Variants in DOCK3 observed in about 807,000 individuals in gnomAD.
The protein encoded by DOCK3 is dedicator of cytokinesis 3.
A neutral mutation model predicts 265.6 loss-of-function variants in DOCK3; 60 were observed. That is an observed-to-expected ratio of 0.23 (90% CI 0.18 to 0.28). The LOEUF (loss-of-function observed/expected upper bound fraction) is 0.28. DOCK3 is among the 10% of genes least tolerant of loss of function. The pLI, the probability that DOCK3 is intolerant of heterozygous loss-of-function variation, is 1.00. For missense variants in DOCK3, 1,981 were observed against 2,594.3 expected (o/e 0.76, Z 5.14); for synonymous variants, 881 against 938.0 (o/e 0.94, Z 1.11).
At chr3:50,930,737 C>T (rs538374691) in intron 4 of DOCK3, among the ~76,000 whole-genome samples, 470 of 152,346 alleles carry the variant, frequency 3.1e-3, no homozygotes, top group Non-Finnish European at 5.2e-3. Flanking sequence ...ACTGTGCAGA[C>T]CCTTATGGGG....
intron 1 of DOCK3, among the ~76,000 whole-genome samples, chr3:50,709,078 A>T (rs1410180588): frequency 6.6e-6 from 1 of 152,210 alleles, no homozygotes; most frequent in East Asian, 1.9e-4. Flanking sequence ...GATGCAGTGG[A>T]CAAAAGTGCT....
intron 1 of DOCK3, among the ~76,000 whole-genome samples, chr3:50,747,590 G>A (rs968471216): frequency 2.6e-5 from 4 of 152,146 alleles, no homozygotes; most frequent in Middle Eastern, 6.8e-3. Flanking sequence ...CTGGCTGGGC[G>A]TGGTGGCTCA....
chr3:51,333,350 C>A, intron 35 of DOCK3, 97 bp downstream of exon 35: 2 of 1,198,270 alleles, frequency 1.7e-6, no homozygotes, highest in South Asian at 1.2e-5. Flanking sequence ...ATGTGCTCTT[C>A]ATGGGGAGGA....
intron 9 of DOCK3, among the ~76,000 whole-genome samples, chr3:51,141,334 T>G (rs1160420002): frequency 6.7e-6 from 1 of 149,802 alleles, no homozygotes; most frequent in Non-Finnish European, 1.5e-5. Flanking sequence ...AGGGGTATAA[T>G]TTATTGAAGC....
At chr3:50,945,185 G>A (rs1470567167) in intron 5 of DOCK3, among the ~76,000 whole-genome samples, 1 of 152,090 alleles carries the variant, frequency 6.6e-6, no homozygotes, top group African/African-American at 2.4e-5. Context: ...CAACTGAAGC[G>A]TTTTATAATT....
At chr3:50,950,010 C>G (rs1559853300) in intron 5 of DOCK3, among the ~76,000 whole-genome samples, 1 of 141,252 alleles carries the variant, frequency 7.1e-6, no homozygotes, top group African/African-American at 2.6e-5. Flanking sequence ...ATTTTTAAAT[C>G]TTTTTTTTTT....
chr3:50,945,055 G>T (rs187945350), intron 5 of DOCK3, among the ~76,000 whole-genome samples: 7 of 152,260 alleles, frequency 4.6e-5, no homozygotes, highest in Admixed American at 1.3e-4. Flanking sequence ...TTCTGTGAGA[G>T]AATTTAACAT....
intron 32 of DOCK3, among the ~76,000 whole-genome samples, chr3:51,320,989 T>C (rs1402995662): frequency 6.6e-6 from 1 of 152,200 alleles, no homozygotes; most frequent in East Asian, 1.9e-4. Flanking sequence ...AGGGTCAGAC[T>C]GCCTCCTCAA....
At chr3:50,978,435 G>C (rs1004718144) in intron 5 of DOCK3, among the ~76,000 whole-genome samples, 1 of 152,154 alleles carries the variant, frequency 6.6e-6, no homozygotes, top group Non-Finnish European at 1.5e-5. Context: ...TGCTGGGGGG[G>C]TGCCTCCCAG....
At chr3:51,054,967 G>A (rs2081145156) in intron 5 of DOCK3, among the ~76,000 whole-genome samples, 1 of 152,134 alleles carries the variant, frequency 6.6e-6, no homozygotes, top group Non-Finnish European at 1.5e-5. Context: ...CATGTTGGAA[G>A]CTTTCCTTAT....
At chr3:51,077,221 G>A (rs1257573207) in intron 7 of DOCK3, among the ~76,000 whole-genome samples, 1 of 152,170 alleles carries the variant, frequency 6.6e-6, no homozygotes, top group Admixed American at 6.5e-5. Flanking sequence ...AGTGAAGAGA[G>A]AATGAGAGTT....
At chr3:51,270,729 C>G in intron 23 of DOCK3, 86 bp from the exon 24 acceptor site, 1 of 1,403,126 alleles carries the variant, frequency 7.1e-7, no homozygotes, top group Non-Finnish European at 9.6e-7. Context: ...TTCTCAGCCT[C>G]TCACCACCTT....
At chr3:51,243,506 A>G (rs113672246) in intron 21 of DOCK3, among the ~76,000 whole-genome samples, 4 of 151,898 alleles carry the variant, frequency 2.6e-5, no homozygotes, top group African/African-American at 7.3e-5. Context: ...TTCCCTAATT[A>G]TCTTCCTTTG....
At chr3:51,353,859 G>A (rs1456560601) in intron 40 of DOCK3, among the ~76,000 whole-genome samples, 2 of 152,102 alleles carry the variant, frequency 1.3e-5, no homozygotes, top group Admixed American at 6.5e-5. Flanking sequence ...GTTGAAATGG[G>A]TCTGGCTAGG....
At chr3:50,768,051 C>T (rs374755494) in intron 1 of DOCK3, among the ~76,000 whole-genome samples, 14 of 152,224 alleles carry the variant, frequency 9.2e-5, no homozygotes, top group East Asian at 7.7e-4. Flanking sequence ...TACAATCATG[C>T]CGTCTGCAAA....
intron 1 of DOCK3, among the ~76,000 whole-genome samples, chr3:50,678,209 C>T (rs993849483): frequency 9.2e-5 from 14 of 151,848 alleles, no homozygotes; most frequent in South Asian, 8.3e-4. Flanking sequence ...TGTACCCGTT[C>T]GCCCGTGTTT....
Position 51,348,878 on chromosome 3 carries a change from C to G in DOCK3, c.3942C>G (p.Cys1314Trp). The stretch of plus-strand genomic sequence containing the variant: ...GCTGGGAGTTTGGGATCCCACTGTG[C>G]AGGGAGCTGGCGTGTCAGTACGAGA... ...GKSWEFGIPL[C>W]RELACQYESL... is the part of the protein sequence containing the mutation. The change falls in exon 39 of 53, where the codon TGC becomes TGG. Residue 1314 changes from cysteine (C) to tryptophan (W), a missense_variant. Cys to Trp is a radical substitution (Grantham distance 215, BLOSUM62 -2). This residue lies in a region of DOCK3 where 1,357 missense variants were observed against 1,866.8 expected (regional missense o/e 0.73). Transcript: ENST00000266037. 1 of 1,584,764 alleles carries G rather than the reference C, an allele frequency of 6.3e-7. No homozygotes were observed. Among genetic ancestry groups the G allele is most frequent in the Non-Finnish European group, 8.6e-7 (1 of 1,165,340 alleles).
chr3:51,211,551 C>G (rs140963878), intron 13 of DOCK3, among the ~76,000 whole-genome samples: 1 of 152,138 alleles, frequency 6.6e-6, no homozygotes, highest in East Asian at 1.9e-4. Flanking sequence ...TGATGTTCCC[C>G]TTCCTGTGTC....
intron 5 of DOCK3, among the ~76,000 whole-genome samples, chr3:51,048,867 A>C: frequency 6.6e-6 from 1 of 151,998 alleles, no homozygotes; most frequent in East Asian, 1.9e-4. Flanking sequence ...CATCTCAAAA[A>C]AAAAAAACAA....
Sources: allele counts gnomAD v4.1 joint callset (sites outside exome capture counted in the v4.1 genomes callset), GRCh38; gene constraint gnomAD v4.1.1; regional missense constraint gnomAD v4.1.1; transcripts MANE v1.5; gene names NCBI Gene and HGNC (gene_info 2026-07-23, HGNC 2026-07-21).